NAALADL2: variants seen among roughly 807,000 people sequenced by gnomAD.
The protein encoded by NAALADL2 is N-acetylated alpha-linked acidic dipeptidase like 2.
A neutral mutation model predicts 87.2 loss-of-function variants in NAALADL2; 76 were observed. That is an observed-to-expected ratio of 0.87 (90% confidence interval 0.72 to 1.05). NAALADL2 has a LOEUF of 1.05. Among genes scored for constraint, NAALADL2 ranks in the 50% least tolerant of loss-of-function variants. NAALADL2 has a pLI of 0.00. For missense variants in NAALADL2, 1,089 were observed against 945.8 expected (o/e 1.15, Z -1.99); for synonymous variants, 354 against 331.0 (o/e 1.07, Z -0.75).
chr3:175,471,331 A>G (rs1370632051), intron 8 of NAALADL2, among the ~76,000 whole-genome samples: 2 of 151,818 alleles, frequency 1.3e-5, no homozygotes, highest in Non-Finnish European at 2.9e-5. Flanking sequence ...TAAAAATACA[A>G]AAAATTAGCT....
At chr3:175,441,421 C>T (rs1399017974) in intron 5 of NAALADL2, among the ~76,000 whole-genome samples, 4 of 152,084 alleles carry the variant, frequency 2.6e-5, no homozygotes, top group Non-Finnish European at 5.9e-5. Context: ...CACAAGGGCT[C>T]CCAGAACCGA....
At chr3:174,667,037 G>A (rs618102) in intron 2 of NAALADL2, among the ~76,000 whole-genome samples, 97,919 of 151,992 alleles carry the variant, frequency 0.64, 32,200 homozygotes, top group Admixed American at 0.73. Context: ...GCTAAATAAT[G>A]TTTCATTGAA....
intron 10 of NAALADL2, among the ~76,000 whole-genome samples, chr3:175,599,477 G>T (rs1204897633): frequency 6.6e-6 from 1 of 152,058 alleles, no homozygotes; most frequent in Admixed American, 6.6e-5. Flanking sequence ...CTGAAGCCAG[G>T]TGTCTGATTT....
chr3:175,281,959 C>G (rs1443752501), intron 4 of NAALADL2, among the ~76,000 whole-genome samples: 1 of 151,794 alleles, frequency 6.6e-6, no homozygotes, highest in Non-Finnish European at 1.5e-5. Context: ...TTCAACTGTT[C>G]TCATGTTTTG....
chr3:175,361,544 T>C (rs1765009450), intron 5 of NAALADL2, among the ~76,000 whole-genome samples: 1 of 148,402 alleles, frequency 6.7e-6, no homozygotes, highest in African/African-American at 2.4e-5. Context: ...TCCTGACTTA[T>C]TAATGATTAC....
At chr3:174,786,067 G>A (rs1163219397) in intron 3 of NAALADL2, among the ~76,000 whole-genome samples, 1 of 152,106 alleles carries the variant, frequency 6.6e-6, no homozygotes, top group Non-Finnish European at 1.5e-5. Flanking sequence ...CAAAAGGCCA[G>A]GGCACAGCCA....
At chr3:174,987,036 C>A (rs1391126417) in intron 1 of NAALADL2, among the ~76,000 whole-genome samples, 2 of 152,004 alleles carry the variant, frequency 1.3e-5, no homozygotes, top group African/African-American at 4.8e-5. Context: ...AATGCACTGC[C>A]CACTTCCCAT....
intron 1 of NAALADL2, among the ~76,000 whole-genome samples, chr3:174,926,767 A>G (rs937143051): frequency 2.0e-5 from 3 of 152,232 alleles, no homozygotes; most frequent in East Asian, 3.9e-4. Context: ...AATTGTAAAG[A>G]TCATCGATGC....
intron 11 of NAALADL2, among the ~76,000 whole-genome samples, chr3:175,636,206 G>A (rs572910667): frequency 1.3e-5 from 2 of 152,024 alleles, no homozygotes; most frequent in African/African-American, 4.8e-5. Flanking sequence ...AATTGTGTGT[G>A]TGTGTGTGCG....
intron 1 of NAALADL2, among the ~76,000 whole-genome samples, chr3:174,927,756 G>A (rs962082124): frequency 7.9e-5 from 12 of 152,256 alleles, no homozygotes; most frequent in South Asian, 2.1e-4. Flanking sequence ...AGAGAAAGCA[G>A]GAAAGATCTA....
At chr3:174,864,580 C>A (rs1196887381) in intron 1 of NAALADL2, among the ~76,000 whole-genome samples, 2 of 151,840 alleles carry the variant, frequency 1.3e-5, no homozygotes, top group Non-Finnish European at 2.9e-5. Flanking sequence ...TACAGGATGA[C>A]TTGATTGTTT....
At chr3:175,349,913 GATGACTGTTTATTCTACTCTCAGAAAGAC>G (rs1315676921) in intron 5 of NAALADL2, among the ~76,000 whole-genome samples, 1 of 151,994 alleles carries the variant, frequency 6.6e-6, no homozygotes, top group African/African-American at 2.4e-5. Flanking sequence ...TGGAAAGTTG[GATGACTGTTTATTCTACTCTCAGAAAGAC>G]ATGACTGTCA....
At chr3:175,386,720 TC>T (rs1394499688) in intron 5 of NAALADL2, among the ~76,000 whole-genome samples, 1 of 152,136 alleles carries the variant, frequency 6.6e-6, no homozygotes, top group Non-Finnish European at 1.5e-5. Context: ...TGTTGTGTTG[TC>T]TGTGCCTTCC....
chr3:174,895,375 G>A (rs964872785), intron 1 of NAALADL2, among the ~76,000 whole-genome samples: 1 of 151,954 alleles, frequency 6.6e-6, no homozygotes, highest in Non-Finnish European at 1.5e-5. Flanking sequence ...GAAATTTAAA[G>A]GATCATTAGT....
intron 5 of NAALADL2, among the ~76,000 whole-genome samples, chr3:175,427,243 A>G (rs992214912): frequency 6.6e-6 from 1 of 152,212 alleles, no homozygotes; most frequent in African/African-American, 2.4e-5. Context: ...ACAACAGAAG[A>G]AAGGAATAGA....
At chr3:174,743,842 A>C (rs1733992747) in intron 3 of NAALADL2, among the ~76,000 whole-genome samples, 1 of 151,886 alleles carries the variant, frequency 6.6e-6, no homozygotes, top group Admixed American at 6.6e-5. Context: ...GAATCTCATC[A>C]TGTGCTTCTG....
chr3:175,779,607 A>G (rs1750734940), intron 13 of NAALADL2, among the ~76,000 whole-genome samples: 1 of 152,196 alleles, frequency 6.6e-6, no homozygotes, highest in African/African-American at 2.4e-5. Flanking sequence ...TATGAGTAGT[A>G]TTTCTGTAAA....
intron 1 of NAALADL2, among the ~76,000 whole-genome samples, chr3:174,521,580 A>T: frequency 6.7e-6 from 1 of 150,260 alleles, no homozygotes; most frequent in East Asian, 2.0e-4. Flanking sequence ...TCAAAAAAAA[A>T]AAAAAAAAAA....
intron 11 of NAALADL2, among the ~76,000 whole-genome samples, chr3:175,698,634 T>C (rs1017849790): frequency 2.0e-5 from 3 of 150,992 alleles, no homozygotes; most frequent in East Asian, 1.9e-4. Flanking sequence ...TTTGATATTA[T>C]ACATTAAGAA....
Sources: allele counts gnomAD v4.1 joint callset (sites outside exome capture counted in the v4.1 genomes callset), GRCh38; gene constraint gnomAD v4.1.1; transcripts MANE v1.5; gene names NCBI Gene and HGNC (gene_info 2026-07-23, HGNC 2026-07-21).